The following ACOX3 variants were observed in gnomAD, a reference collection of about 807,000 sequenced individuals.
ACOX3 encodes acyl-CoA oxidase 3, pristanoyl.
In ACOX3, 73 loss-of-function variants were observed where a neutral mutation model predicts 81.5. The ratio of observed to expected loss-of-function variants is 0.90; its 90% CI spans 0.74 to 1.09. The LOEUF is 1.09. ACOX3 is among the 50% of genes least tolerant of loss of function. The pLI is 0.00. For missense variants in ACOX3, 947 were observed against 928.0 expected (o/e 1.02, Z -0.27); for synonymous variants, 387 against 375.1 (o/e 1.03, Z -0.37).
chr4:8,416,283 A>G lies in ACOX3; in HGVS notation c.144+95T>C. 1 of 1,599,972 alleles carries G rather than the reference A, an allele frequency of 6.3e-7. No homozygotes were observed. The highest frequency in any genetic ancestry group is 1.1e-5 in the South Asian group (1 of 90,276). ...CTGCCTGGGATGAGCCTCGCCCGGC[A>G]GAGGAGGAGCTGTGAGAGCCAGAAA... On this transcript the variant is annotated intron_variant, in intron 2 of 17. Transcript: ENST00000356406. The surrounding 1 kb of genome is among the most constrained non-coding windows in gnomAD (Gnocchi z 4.2).
downstream of ACOX3, among the ~76,000 whole-genome samples, chr4:8,365,073 C>T (rs1715336281): frequency 6.6e-6 from 1 of 152,170 alleles, no homozygotes; most frequent in South Asian, 2.1e-4. Flanking sequence ...TGAGGGGGAC[C>T]CCTGGTGGAA....
intron 1 of ACOX3, among the ~76,000 whole-genome samples, chr4:8,418,374 G>A (rs527297543): frequency 1.3e-5 from 2 of 149,574 alleles, no homozygotes; most frequent in Non-Finnish European, 3.0e-5. Flanking sequence ...CAGGAGAATC[G>A]CTTGAACCTG....
chr4:8,367,196 T>C, intron 17 of ACOX3, 116 bp from the exon 18 acceptor site: 12 of 1,398,986 alleles, frequency 8.6e-6, no homozygotes, highest in Admixed American at 2.1e-5. Context: ...CACAGGAAAT[T>C]CGGCTGGGCA....
chr4:8,404,436 T>TA (rs200932863), intron 7 of ACOX3, among the ~76,000 whole-genome samples: 160 of 110,114 alleles, frequency 1.5e-3, no homozygotes, highest in African/African-American at 7.4e-3. Context: ...CTTGTTTTGC[T>TA]TTTTTTTTTT....
In ACOX3 at chr4:8,367,050, G is replaced by T; in HGVS notation, c.2014C>A (p.Gln672Lys). 3 of 1,614,034 alleles carry T rather than the reference G, an allele frequency of 1.9e-6. No homozygotes were observed. Among genetic ancestry groups the T allele is most frequent in the Non-Finnish European group, 1.7e-6 (2 of 1,179,976 alleles). ...LYKNLWGAVL[Q>K]ESKVLERASW... is the part of the protein sequence containing the mutation. Reference sequence around the variant, plus strand: ...GCCCGCTCCAACACCTTGCTTTCCTGCAGGACAGCGCCCCAGAGGTTTTTG... The same window carrying T: ...GCCCGCTCCAACACCTTGCTTTCCTTCAGGACAGCGCCCCAGAGGTTTTTG... The change falls in exon 18 of 18, where the codon CAG becomes AAG. Residue 672 changes from glutamine to lysine, a missense_variant. Coordinates refer to ENST00000356406, the MANE Select transcript of ACOX3 (RefSeq NM_003501.3).
intron 13 of ACOX3, among the ~76,000 whole-genome samples, chr4:8,383,128 C>A (rs1717902722): frequency 6.6e-6 from 1 of 152,236 alleles, no homozygotes; most frequent in Non-Finnish European, 1.5e-5. Context: ...CAGGCCGTTT[C>A]CCAGGCTCAC....
In ACOX3 at chr4:8,394,526, G is replaced by A. The variant is rs926756240; in HGVS notation, c.1179+94C>T. ...GAATGCTCTGTCCTCGCAAATCAAA[G>A]GACTGATTTTGCTTTGAAATGAAGG... On this transcript the variant is annotated intron_variant, in intron 10 of 17. Coordinates refer to ENST00000356406, the MANE Select transcript of ACOX3 (RefSeq NM_003501.3). This position sits in a 1 kb window ranked among gnomAD's most constrained non-coding sequence, Gnocchi z 5.9. 18 of 1,523,094 alleles carry A rather than the reference G, an allele frequency of 1.2e-5. No homozygotes were observed. The highest frequency in any genetic ancestry group is 1.5e-5 in the Non-Finnish European group (17 of 1,129,040). 94.3% of individuals were successfully genotyped at this position (1,523,094 alleles called of 1,614,324 possible). A position where few individuals can be genotyped will look rare whatever the true frequency, so the allele number is the denominator to read the frequency against.
Position 8,431,781 on chromosome 4 carries a change from G to A in ACOX3, c.-15+8867C>T, listed in dbSNP as rs900759069. 5.3e-5 allele frequency among the ~76,000 whole-genome samples: 8 copies of A among 152,142 alleles called. No individual in the cohort carries two copies. Among genetic ancestry groups the A allele is most frequent in the Non-Finnish European group, 1.2e-4 (8 of 68,034 alleles). ...CCCTCTCTTGTTTATCTTGACTTCT[G>A]TCCCACTTCTGCTCCCTTCGGCACA... On this transcript the variant is annotated intron_variant, in intron 1 of 17. Transcript: ENST00000356406. The surrounding 1 kb of genome is among the most constrained non-coding windows in gnomAD (Gnocchi z 5.3).
rs1451439117 is a variant in ACOX3 at position 8,382,037 on chromosome 4, G to A, written c.1538-430C>T. On this transcript the variant is annotated intron_variant, in intron 13 of 17. Coordinates refer to ENST00000356406, the MANE Select transcript of ACOX3 (RefSeq NM_003501.3). This position sits in a 1 kb window ranked among gnomAD's most constrained non-coding sequence, Gnocchi z 4.1. Reference sequence around the variant, plus strand: ...AACTGGCCGGCGGTGGCGCCCAGTGGCGAGAGGAAGGGGTGCTTCCGTTCG... The same window carrying A: ...AACTGGCCGGCGGTGGCGCCCAGTGACGAGAGGAAGGGGTGCTTCCGTTCG... Among the ~76,000 whole-genome samples, 1 of 152,224 alleles carries A rather than the reference G, an allele frequency of 6.6e-6. No homozygotes were observed. The highest frequency in any genetic ancestry group is 1.5e-5 in the Non-Finnish European group (1 of 68,038).
chr4:8,404,435 C>CT lies in ACOX3; in HGVS notation c.776+1519dup, dbSNP rs370622347. 3.7e-3 allele frequency among the ~76,000 whole-genome samples: 458 copies of CT among 125,324 alleles called. 1 individual carries two copies. Among genetic ancestry groups the CT allele is most frequent in the Admixed American group, 5.5e-3 (68 of 12,386 alleles). The allele number at this position is 125,324 out of a possible 152,430, so 82.2% of individuals were successfully genotyped here. A position where few individuals can be genotyped will look rare whatever the true frequency, so the allele number is the denominator to read the frequency against. On this transcript the variant is annotated intron_variant, in intron 7 of 17. Coordinates refer to ENST00000356406, the MANE Select transcript of ACOX3 (RefSeq NM_003501.3). ...GGCTGTGCATATGTGTCTTGTTTTG[C>CT]TTTTTTTTTTTTTTTTTGCCTGAAA...
chr4:8,413,178 A>T (rs1443154641), intron 5 of ACOX3, among the ~76,000 whole-genome samples: 2 of 97,862 alleles, frequency 2.0e-5, no homozygotes, highest in African/African-American at 8.1e-5. Flanking sequence ...TCTGTGGCCC[A>T]TCTCCCTCCA....
In ACOX3 at chr4:8,406,265, A is replaced by T. The variant is rs1206253340; in HGVS notation, c.688-222T>A. On this transcript the variant is annotated intron_variant, in intron 6 of 17. Transcript: ENST00000356406. This position sits in a 1 kb window ranked among gnomAD's most constrained non-coding sequence, Gnocchi z 5.6. ...CTGCAGATATAATGAATTTAAGAGC[A>T]TCAAGATAAGGTCATCCCAAATCAC... is the stretch of plus-strand genomic sequence containing the variant. 6.6e-6 allele frequency among the ~76,000 whole-genome samples: 1 copy of T among 152,224 alleles called. No individual in the cohort carries two copies. The highest frequency in any genetic ancestry group is 1.5e-5 in the Non-Finnish European group (1 of 68,044).
intron 1 of ACOX3, among the ~76,000 whole-genome samples, chr4:8,417,854 C>T (rs1372631840): frequency 2.6e-5 from 4 of 152,140 alleles, no homozygotes; most frequent in Non-Finnish European, 4.4e-5. Context: ...CATCAGGAAT[C>T]AAAGACGGGA....
intron 9 of ACOX3, among the ~76,000 whole-genome samples, chr4:8,396,202 C>T (rs563470024): frequency 1.3e-5 from 2 of 152,298 alleles, no homozygotes; most frequent in South Asian, 4.1e-4. Context: ...TCACAGTGAA[C>T]AGGGCTGCAC....
intron 10 of ACOX3, among the ~76,000 whole-genome samples, chr4:8,393,542 AAAG>A (rs1397952440): frequency 6.6e-5 from 10 of 151,328 alleles, no homozygotes; most frequent in South Asian, 6.3e-4. Context: ...ATTCAGAGTA[AAAG>A]AAGAATTTTT....
chr4:8,409,463 G>GCTGTCTGCACTGTGGGCAGGA (rs1011071418), intron 6 of ACOX3, among the ~76,000 whole-genome samples: 2 of 146,486 alleles, frequency 1.4e-5, no homozygotes, highest in African/African-American at 5.0e-5. Context: ...CATAGGCGGG[G>GCTGTCTGCACTGTGGGCAGGA]CTGTCTGCAC....
At chr4:8,429,470 T>A (rs1011436776) in intron 1 of ACOX3, among the ~76,000 whole-genome samples, 1 of 152,248 alleles carries the variant, frequency 6.6e-6, no homozygotes, top group Non-Finnish European at 1.5e-5. Flanking sequence ...CGCGGGGCTT[T>A]GGGCGTTATC....
At chr4:8,387,252 C>T (rs1222546107) in intron 13 of ACOX3, among the ~76,000 whole-genome samples, 1 of 152,222 alleles carries the variant, frequency 6.6e-6, no homozygotes. Flanking sequence ...GGGTACCATC[C>T]CCGTCCCCGT....
In ACOX3 at chr4:8,370,619, A is replaced by AGT. The variant is rs1464912031; in HGVS notation, c.1983+287_1983+288dup. Among the ~76,000 whole-genome samples, 1 of 152,030 alleles carries AGT rather than the reference A, an allele frequency of 6.6e-6. No homozygotes were observed. Among genetic ancestry groups the AGT allele is most frequent in the Admixed American group, 6.5e-5 (1 of 15,272 alleles). On this transcript the variant is annotated intron_variant, in intron 17 of 17. Coordinates refer to ENST00000356406, the MANE Select transcript of ACOX3 (RefSeq NM_003501.3). The surrounding 1 kb of genome is among the most constrained non-coding windows in gnomAD (Gnocchi z 6.3). Reference sequence around the variant, plus strand: ...GGAGTGGGAGGAGGGCAGAGGTCACAGTGTGTGGACCTCCAACCTCTGCCT... The same window carrying AGT: ...GGAGTGGGAGGAGGGCAGAGGTCACAGTGTGTGTGGACCTCCAACCTCTGCCT...
Sources: allele counts gnomAD v4.1 joint callset (sites outside exome capture counted in the v4.1 genomes callset), GRCh38; gene constraint gnomAD v4.1.1; non-coding constraint Gnocchi (gnomAD v3.1); transcripts MANE v1.5; gene names NCBI Gene and HGNC (gene_info 2026-07-23, HGNC 2026-07-21).